The following SUPT20H variants were observed in gnomAD, a reference collection of about 807,000 sequenced individuals.
The protein encoded by SUPT20H is SPT20 homolog, SAGA complex component.
A neutral mutation model predicts 122.8 loss-of-function variants in SUPT20H; 82 were observed. The observed-to-expected ratio is 0.67, with a 90% confidence interval of 0.56 to 0.80. The LOEUF (loss-of-function observed/expected upper bound fraction) is 0.80. SUPT20H is among the 30% of genes least tolerant of loss of function. The pLI is 0.00. For missense variants in SUPT20H, 831 were observed against 921.6 expected (o/e 0.90, Z 1.27); for synonymous variants, 291 against 313.0 (o/e 0.93, Z 0.74).
intron 7 of SUPT20H, among the ~76,000 whole-genome samples, chr13:37,042,301 T>C (rs1047587544): frequency 6.6e-6 from 1 of 152,150 alleles, no homozygotes; most frequent in Non-Finnish European, 1.5e-5. Flanking sequence ...GAGGAACCTA[T>C]TATATATCCA....
chr13:37,034,487 C>T (rs1371993861), intron 9 of SUPT20H, among the ~76,000 whole-genome samples: 2 of 152,144 alleles, frequency 1.3e-5, no homozygotes, highest in Non-Finnish European at 2.9e-5. Flanking sequence ...CTTTTCAATT[C>T]TATGATGTGA....
intron 9 of SUPT20H, among the ~76,000 whole-genome samples, chr13:37,036,006 T>C (rs2064309032): frequency 6.6e-6 from 1 of 152,202 alleles, no homozygotes; most frequent in African/African-American, 2.4e-5. Context: ...TCACATGCTA[T>C]AGAGAACTCT....
At position 37,024,444 on chromosome 13, in the gene SUPT20H, TA is replaced by T; in HGVS notation, c.1330-3del. The T allele has an allele frequency of 6.5e-7, 1 of 1,543,634 alleles. No individual in the cohort carries two copies. Among genetic ancestry groups the T allele is most frequent in the Non-Finnish European group, 8.7e-7 (1 of 1,148,702 alleles). ...CTGAACTGACACGGTTTCAGTTTGC[TA>T]AAAGACAATGACATTAAGCTTACTT... On this transcript the variant is annotated splice_polypyrimidine_tract_variant and splice_region_variant and intron_variant, in intron 17 of 25. Coordinates refer to ENST00000350612, the MANE Select transcript of SUPT20H (RefSeq NM_001014286.3).
intron 7 of SUPT20H, 74 bp from the exon 8 acceptor site, chr13:37,040,766 T>A: frequency 8.9e-7 from 1 of 1,120,788 alleles, no homozygotes; most frequent in Non-Finnish European, 1.4e-6. Context: ...ATCAAACATT[T>A]CGCATTCTTT....
chr13:37,047,459 T>C, intron 5 of SUPT20H, 76 bp downstream of exon 5: 1 of 1,345,850 alleles, frequency 7.4e-7, no homozygotes, highest in Non-Finnish European at 9.7e-7. Flanking sequence ...ACAAAAATAA[T>C]ACTCCAAATG....
intron 2 of SUPT20H, among the ~76,000 whole-genome samples, chr13:37,049,099 A>G (rs1480855237): frequency 6.6e-6 from 1 of 152,198 alleles, no homozygotes; most frequent in Non-Finnish European, 1.5e-5. Flanking sequence ...GAAAGAATAA[A>G]TGATGGCTAT....
At chr13:37,046,080 C>A (rs905719438) in intron 5 of SUPT20H, among the ~76,000 whole-genome samples, 5 of 151,938 alleles carry the variant, frequency 3.3e-5, no homozygotes, top group Non-Finnish European at 7.4e-5. Context: ...TTTTTAGAAT[C>A]TCAAAAATCA....
In SUPT20H at chr13:37,031,621, A is replaced by G. The variant is rs1339123224; in HGVS notation, c.867T>C (p.Cys289=). ...AGGGACTCCGTTTCCACATATCTAC[A>G]CACTGAAAAATTAAAAACAATATAC... ...YDLKISKAGN[C]VDMWKRSPCN... Residue 289 remains cysteine, a splice_region_variant and synonymous_variant, in exon 12 of 26, where the codon TGT becomes TGC. Transcript: ENST00000350612. 3 of 1,567,376 alleles carry G rather than the reference A, an allele frequency of 1.9e-6. No individual in the cohort carries two copies. The highest frequency in any genetic ancestry group is 4.5e-5 in the East Asian group (2 of 43,970).
Position 37,045,360 on chromosome 13 carries a change from TTTC to T in SUPT20H, c.176_178del (p.Arg59del). On this transcript the variant is annotated inframe_deletion, in exon 6 of 26. Coordinates refer to ENST00000350612, the MANE Select transcript of SUPT20H (RefSeq NM_001014286.3). Reference sequence around the variant, plus strand: ...AACAAGCTTCTCTAACAAGTTCACATTTCTTCTTAATTTCTGCTTTAAAAAGAG... The same window carrying T: ...AACAAGCTTCTCTAACAAGTTCACATTTCTTAATTTCTGCTTTAAAAAGAG... 1 of 1,613,438 alleles carries T rather than the reference TTTC, an allele frequency of 6.2e-7. No homozygotes were observed. Among genetic ancestry groups the T allele is most frequent in the Non-Finnish European group, 8.5e-7 (1 of 1,179,596 alleles).
Position 37,022,786 on chromosome 13 carries a change from C to G in SUPT20H, c.1592-706G>C, listed in dbSNP as rs1344225011. On this transcript the variant is annotated intron_variant, in intron 19 of 25. Transcript: ENST00000350612. The surrounding 1 kb of genome is among the most constrained non-coding windows in gnomAD (Gnocchi z 4.5). ...CAATCATATTTGGCACCTAAATATACATGTTTAATTCCTAACACATCAAGT... is the reference window on the plus strand; with the variant it reads ...CAATCATATTTGGCACCTAAATATAGATGTTTAATTCCTAACACATCAAGT... The G allele has an allele frequency of 9.8e-7, 1 of 1,021,290 alleles. No homozygotes were observed. The highest frequency in any genetic ancestry group is 1.2e-6 in the Non-Finnish European group (1 of 847,802). The allele number at this position is 1,021,290 out of a possible 1,614,324, so 63.3% of individuals were successfully genotyped here.
chr13:37,039,781 G>T (rs1005996265), intron 9 of SUPT20H: 1 of 152,168 alleles, frequency 6.6e-6, no homozygotes, highest in Admixed American at 6.5e-5. Flanking sequence ...CATTGATATG[G>T]TTCAGTTCCC....
At chr13:37,038,332 A>C (rs1174954937) in intron 9 of SUPT20H, 1 of 152,166 alleles carries the variant, frequency 6.6e-6, no homozygotes, top group Non-Finnish European at 1.5e-5. Flanking sequence ...ATTTTCCCTC[A>C]GTTACTTGGC....
chr13:37,025,350 C>G lies in SUPT20H; in HGVS notation c.1299G>C (p.Leu433=). Residue 433 remains leucine (L), a synonymous_variant, in exon 17 of 26, where the codon CTG becomes CTC. Coordinates refer to ENST00000350612, the MANE Select transcript of SUPT20H (RefSeq NM_001014286.3). ...TTTCTTTCCCTGGAGAAACCTGACT[C>G]AGACTGGCTGAGCCACTGGAGCTGT... ...MSHSSSGSAS[L]SQVSPGKETD... 6.2e-7 allele frequency: 1 copy of G among 1,613,890 alleles called. No individual in the cohort carries two copies. The highest frequency in any genetic ancestry group is 1.7e-4 in the Middle Eastern group (1 of 6,060).
chr13:37,024,309 C>A, intron 18 of SUPT20H, 31 bp downstream of exon 18: 1 of 1,540,498 alleles, frequency 6.5e-7, no homozygotes, highest in Non-Finnish European at 8.7e-7. Context: ...ATTTGTTATT[C>A]TAGACTGCAA....
intron 1 of SUPT20H, among the ~76,000 whole-genome samples, chr13:37,053,120 AAGGATCT>A (rs1444852003): frequency 6.6e-6 from 1 of 152,198 alleles, no homozygotes; most frequent in Admixed American, 6.5e-5. Flanking sequence ...GCAATTCCTC[AAGGATCT>A]AGAACCAGAA....
chr13:37,040,526 A>C, intron 8 of SUPT20H, 50 bp downstream of exon 8: 1 of 1,593,374 alleles, frequency 6.3e-7, no homozygotes, highest in Non-Finnish European at 8.6e-7. Flanking sequence ...TCGATAAATA[A>C]AACTCCCAAC....
At chr13:37,016,585 T>C (rs2060549948) in intron 23 of SUPT20H, among the ~76,000 whole-genome samples, 1 of 152,216 alleles carries the variant, frequency 6.6e-6, no homozygotes, top group African/African-American at 2.4e-5. Context: ...CTGAGGACTC[T>C]ATTAGAGGAT....
At chr13:37,047,754 G>T in intron 4 of SUPT20H, 124 bp downstream of exon 4, 1 of 1,235,668 alleles carries the variant, frequency 8.1e-7, no homozygotes, top group Non-Finnish European at 1.1e-6. Context: ...CATCAACTTA[G>T]AAATTCCTAA....
At chr13:37,031,467 T>C in intron 12 of SUPT20H, 100 bp downstream of exon 12, 1 of 736,646 alleles carries the variant, frequency 1.4e-6, no homozygotes, top group East Asian at 2.9e-5. Context: ...TCACTTTGTT[T>C]TTAAAGTAAG....
Sources: gnomAD v4.1 joint callset for allele counts (sites outside exome capture counted in the v4.1 genomes callset) on GRCh38, gnomAD v4.1.1 for gene constraint, Gnocchi (gnomAD v3.1) non-coding constraint, MANE v1.5 for transcripts, NCBI Gene and HGNC (gene_info 2026-07-23, HGNC 2026-07-21) for gene names.